Variants in SUGCT observed in about 807,000 individuals in gnomAD.
The protein encoded by SUGCT is succinyl-CoA:glutarate-CoA transferase.
In SUGCT, 41 loss-of-function variants were observed where a neutral mutation model predicts 55.0. The observed-to-expected ratio is 0.74, with a 90% CI of 0.58 to 0.97. SUGCT has a LOEUF of 0.97. SUGCT is among the 50% of genes least tolerant of loss of function. SUGCT has a pLI of 0.00. For synonymous variants in SUGCT, 187 were observed against 200.4 expected (o/e 0.93, Z 0.56); for missense variants, 568 against 547.8 (o/e 1.04, Z -0.37).
intron 10 of SUGCT, among the ~76,000 whole-genome samples, chr7:40,458,479 A>C (rs1241094024): frequency 6.6e-6 from 1 of 152,222 alleles, no homozygotes; most frequent in Non-Finnish European, 1.5e-5. Flanking sequence ...TATATTCATA[A>C]AAAATAGTGA....
At chr7:40,219,276 C>T (rs1421691100) in intron 6 of SUGCT, among the ~76,000 whole-genome samples, 2 of 152,160 alleles carry the variant, frequency 1.3e-5, no homozygotes, top group Admixed American at 1.3e-4. Context: ...AGAACTGTAA[C>T]ACTCACCGCG....
intron 13 of SUGCT, among the ~76,000 whole-genome samples, chr7:40,777,050 G>A (rs1169866880): frequency 1.3e-5 from 2 of 152,174 alleles, no homozygotes; most frequent in African/African-American, 4.8e-5. Flanking sequence ...CTATTATGGT[G>A]TAACGGGGAT....
the SUGCT span, among the ~76,000 whole-genome samples, chr7:40,949,034 T>A: frequency 6.6e-6 from 1 of 152,226 alleles, no homozygotes; most frequent in African/African-American, 2.4e-5. Flanking sequence ...TGCCACACTG[T>A]CTTCCACTAT....
intron 12 of SUGCT, among the ~76,000 whole-genome samples, chr7:40,605,921 GAGAGGTGGGCT>G: frequency 6.6e-6 from 1 of 152,326 alleles, no homozygotes; most frequent in South Asian, 2.1e-4. Context: ...GGAGCTTGGT[GAGAGGTGGGCT>G]AGAGTGGTAG....
chr7:40,227,506 A>G (rs1313698759), intron 6 of SUGCT, among the ~76,000 whole-genome samples: 1 of 152,142 alleles, frequency 6.6e-6, no homozygotes, highest in South Asian at 2.1e-4. Flanking sequence ...CTAGGACTAC[A>G]TGTGTGTGCC....
intron 13 of SUGCT, among the ~76,000 whole-genome samples, chr7:40,837,140 G>A (rs1355123325): frequency 1.3e-5 from 2 of 152,112 alleles, no homozygotes; most frequent in Non-Finnish European, 2.9e-5. Context: ...TTCTGTAGAT[G>A]TGTTTCAACA....
chr7:40,655,507 C>A (rs1389891577), intron 12 of SUGCT, among the ~76,000 whole-genome samples: 4 of 152,132 alleles, frequency 2.6e-5, no homozygotes, highest in Non-Finnish European at 5.9e-5. Context: ...CCTACTCTGA[C>A]AAAGTTTTAC....
intron 13 of SUGCT, among the ~76,000 whole-genome samples, chr7:40,801,958 T>C (rs1236159078): frequency 1.3e-5 from 2 of 151,336 alleles, no homozygotes; most frequent in South Asian, 2.1e-4. Context: ...CATTCTCTTC[T>C]AGCAAATGTT....
intron 9 of SUGCT, among the ~76,000 whole-genome samples, chr7:40,369,984 T>C (rs1480763314): frequency 6.6e-6 from 1 of 152,160 alleles, no homozygotes; most frequent in Non-Finnish European, 1.5e-5. Flanking sequence ...GTTCGAGGAC[T>C]CATGGTTCAT....
Position 40,717,691 on chromosome 7 carries a change from G to T in SUGCT, c.1090-31743G>T, listed in dbSNP as rs536333993. 3.3e-5 allele frequency among the ~76,000 whole-genome samples: 5 copies of T among 152,316 alleles called. No homozygotes were observed. In the South Asian group the frequency reaches 1.0e-3, roughly 32 times the overall value. On this transcript the variant is annotated intron_variant, in intron 12 of 13. Coordinates refer to ENST00000335693, the MANE Select transcript of SUGCT (RefSeq NM_001193313.2). The stretch of plus-strand genomic sequence containing the variant: ...TCAGTGATTAGTTGAATAAATTATA[G>T]CATATCTATGTCAGGGCACTGCCCT...
In SUGCT at chr7:40,141,589, G is replaced by A. The variant is rs1253705194; in HGVS notation, c.100+6469G>A. Among the ~76,000 whole-genome samples, 3 of 149,358 alleles carry A rather than the reference G, an allele frequency of 2.0e-5. No homozygotes were observed. In the Admixed American group the frequency reaches 2.0e-4, roughly 10 times the overall value. On this transcript the variant is annotated intron_variant, in intron 1 of 13. Coordinates refer to ENST00000335693, the MANE Select transcript of SUGCT (RefSeq NM_001193313.2). ...TGGGAGGCTGCAGTGAGCTGAGATT[G>A]TGCCATTGCACTCTAGCCTGGGCGA...
At chr7:40,410,682 G>A (rs562808640) in intron 9 of SUGCT, among the ~76,000 whole-genome samples, 2 of 152,046 alleles carry the variant, frequency 1.3e-5, no homozygotes, top group Non-Finnish European at 2.9e-5. Flanking sequence ...ATTTCTCTAG[G>A]AGGCATAGGT....
At chr7:40,368,674 TG>T in intron 9 of SUGCT, among the ~76,000 whole-genome samples, 1 of 152,314 alleles carries the variant, frequency 6.6e-6, no homozygotes, top group Admixed American at 6.5e-5. Flanking sequence ...ACCACTACTC[TG>T]AACTAGGCAT....
intron 12 of SUGCT, among the ~76,000 whole-genome samples, chr7:40,523,780 T>C (rs879869013): frequency 6.6e-6 from 1 of 152,192 alleles, no homozygotes; most frequent in Non-Finnish European, 1.5e-5. Flanking sequence ...GATTGTTTGC[T>C]GGACTTTTTG....
At position 40,189,542 on chromosome 7, in the gene SUGCT, A is replaced by G. The variant is rs1322360615; in HGVS notation, c.313-2A>G. 3.4e-6 allele frequency: 4 copies of G among 1,180,816 alleles called. No individual in the cohort carries two copies. Among genetic ancestry groups the G allele is most frequent in the Non-Finnish European group, 4.4e-6 (4 of 904,714 alleles). The allele number at this position is 1,180,816 out of a possible 1,614,324, so 73.1% of individuals were successfully genotyped here. ...TATATATATATATTTTTTAATTTTT[A>G]GAGTATTGCTGTTAATATCAAGGAT... On this transcript the variant is annotated splice_acceptor_variant, in intron 4 of 13. Coordinates refer to ENST00000335693, the MANE Select transcript of SUGCT (RefSeq NM_001193313.2). LOFTEE classifies it high-confidence loss of function.
chr7:40,413,128 C>G (rs1051098461), intron 9 of SUGCT, among the ~76,000 whole-genome samples: 1 of 152,126 alleles, frequency 6.6e-6, no homozygotes, highest in African/African-American at 2.4e-5. Context: ...CCCTTCACAT[C>G]TAACATTGAA....
At chr7:40,393,891 C>G (rs1266885938) in intron 9 of SUGCT, among the ~76,000 whole-genome samples, 1 of 152,124 alleles carries the variant, frequency 6.6e-6, no homozygotes, top group Non-Finnish European at 1.5e-5. Context: ...TGTGGTGAGA[C>G]ACAAAGAGAG....
chr7:40,160,125 A>G (rs1327016034), intron 1 of SUGCT, among the ~76,000 whole-genome samples: 1 of 152,186 alleles, frequency 6.6e-6, no homozygotes, highest in Non-Finnish European at 1.5e-5. Flanking sequence ...AGCTCTGTAT[A>G]CAACCAGATG....
rs369293954 is a variant in SUGCT at position 40,289,353 on chromosome 7, A to G, written c.720+14697A>G. Among the ~76,000 whole-genome samples the G allele has an allele frequency of 2.6e-5, 4 of 152,212 alleles. No homozygotes were observed. The East Asian group carries it at 7.7e-4, about 29-fold the overall frequency. On this transcript the variant is annotated intron_variant, in intron 8 of 13. Transcript: ENST00000335693. ...ATGGTTAGTACCAAACCCTATAAAT[A>G]CTGTGTTTTTTTCCTAGGTATGCAT...
Sources: allele counts gnomAD v4.1 joint callset (sites outside exome capture counted in the v4.1 genomes callset), GRCh38; gene constraint gnomAD v4.1.1; transcripts MANE v1.5; gene names NCBI Gene and HGNC (gene_info 2026-07-23, HGNC 2026-07-21).